The following NELL1 variants were observed in gnomAD, a reference collection of about 807,000 sequenced individuals.
NELL1 encodes the protein protein kinase C-binding protein NELL1.
In NELL1, 76 loss-of-function variants were observed where a neutral mutation model predicts 107.4. That is an observed-to-expected ratio of 0.71 (90% CI 0.59 to 0.86). The LOEUF is 0.86. NELL1 is among the 40% of genes least tolerant of loss of function. NELL1 has a pLI of 0.00. For synonymous variants in NELL1, 353 were observed against 341.2 expected, an observed-to-expected ratio of 1.03 and a Z score of -0.38; for missense variants, 1,024 against 1,005.5, an observed-to-expected ratio of 1.02 and a Z score of -0.25.
chr11:21,507,578 G>A (rs1213071749), intron 15 of NELL1, among the ~76,000 whole-genome samples: 2 of 151,952 alleles, frequency 1.3e-5, no homozygotes, highest in South Asian at 4.1e-4. Context: ...CTTTTTTGAG[G>A]TACCTTAAAT....
intron 14 of NELL1, among the ~76,000 whole-genome samples, chr11:21,290,729 T>G (rs1310419868): frequency 6.6e-6 from 1 of 152,098 alleles, no homozygotes. Context: ...TTCAGCAAAC[T>G]CCAGCAGACC....
intron 14 of NELL1, among the ~76,000 whole-genome samples, chr11:21,288,309 G>C (rs1261011137): frequency 1.3e-5 from 2 of 152,192 alleles, no homozygotes; most frequent in Non-Finnish European, 2.9e-5. Context: ...CAGTAAAACA[G>C]TTGGTTGGCA....
intron 13 of NELL1, among the ~76,000 whole-genome samples, chr11:21,204,806 G>A (rs1420633556): frequency 3.9e-5 from 6 of 152,132 alleles, no homozygotes; most frequent in East Asian, 3.9e-4. Flanking sequence ...TCTGAGCGAC[G>A]TCATTTTTGT....
chr11:20,670,378 G>C (rs1303397572), intron 1 of NELL1: 1 of 152,478 alleles, frequency 6.6e-6, no homozygotes, highest in Admixed American at 6.5e-5. Flanking sequence ...CCCAAGGGCT[G>C]GGCGAACAAT....
intron 15 of NELL1, among the ~76,000 whole-genome samples, chr11:21,463,897 C>G (rs1027429271): frequency 3.9e-5 from 6 of 152,054 alleles, no homozygotes; most frequent in African/African-American, 1.4e-4. Context: ...CTGGAATCCT[C>G]GGAAGACTTT....
At chr11:20,963,351 A>G (rs2134218440) in intron 12 of NELL1, among the ~76,000 whole-genome samples, 1 of 152,206 alleles carries the variant, frequency 6.6e-6, no homozygotes, top group Middle Eastern at 3.4e-3. Flanking sequence ...CACCACACAC[A>G]CACTTCTAGA....
chr11:20,871,580 G>A (rs1215714534), intron 4 of NELL1, among the ~76,000 whole-genome samples: 2 of 151,868 alleles, frequency 1.3e-5, no homozygotes, highest in Non-Finnish European at 1.5e-5. Flanking sequence ...ATAATGCTTT[G>A]CAAAATGGTG....
chr11:21,345,442 A>G (rs1850663128), intron 14 of NELL1, among the ~76,000 whole-genome samples: 1 of 152,204 alleles, frequency 6.6e-6, no homozygotes, highest in African/African-American at 2.4e-5. Context: ...TATCTTATTT[A>G]GACATCTCCA....
intron 3 of NELL1, among the ~76,000 whole-genome samples, chr11:20,815,904 A>G (rs1196723835): frequency 6.6e-6 from 1 of 152,106 alleles, no homozygotes; most frequent in Non-Finnish European, 1.5e-5. Context: ...CATTTATTGA[A>G]TGGGGAGCCC....
chr11:21,002,555 C>T (rs1852246363), intron 12 of NELL1, among the ~76,000 whole-genome samples: 1 of 152,160 alleles, frequency 6.6e-6, no homozygotes, highest in African/African-American at 2.4e-5. Context: ...TTAGGGACTT[C>T]CTCAGCCAGA....
intron 3 of NELL1, among the ~76,000 whole-genome samples, chr11:20,800,618 T>G (rs1857263329): frequency 6.6e-6 from 1 of 152,230 alleles, no homozygotes; most frequent in South Asian, 2.1e-4. Flanking sequence ...ATGCAGAGTT[T>G]GTGAATATTT....
chr11:21,363,870 A>G (rs1053951496), intron 14 of NELL1, among the ~76,000 whole-genome samples: 8 of 152,116 alleles, frequency 5.3e-5, no homozygotes, highest in African/African-American at 1.9e-4. Context: ...AAGCATATAC[A>G]CTGGCCAAAA....
In NELL1 at chr11:21,543,154, C is replaced by G. The variant is rs560831627; in HGVS notation, c.1786+8640C>G. ...CTCTATGCTAAACAATAAGACCCAC[C>G]CTACACATAAGATATTTTTTGGTTA... On this transcript the variant is annotated intron_variant, in intron 16 of 19. Transcript: ENST00000357134. 2.6e-5 allele frequency among the ~76,000 whole-genome samples: 4 copies of G among 152,044 alleles called. No individual in the cohort carries two copies. In the East Asian group the frequency reaches 7.8e-4, roughly 30 times the overall value.
intron 12 of NELL1, among the ~76,000 whole-genome samples, chr11:21,066,762 T>G (rs183498400): frequency 1.3e-3 from 194 of 152,066 alleles, no homozygotes; most frequent in African/African-American, 4.4e-3. Flanking sequence ...CCAGCCTGGC[T>G]CAGCAACATG....
chr11:21,012,649 G>C (rs1304498325), intron 12 of NELL1, among the ~76,000 whole-genome samples: 2 of 152,108 alleles, frequency 1.3e-5, no homozygotes, highest in African/African-American at 4.8e-5. Context: ...AAAATTTGGA[G>C]GCTAGAGTTT....
chr11:21,496,424 T>G (rs1408499055), intron 15 of NELL1, among the ~76,000 whole-genome samples: 2 of 150,520 alleles, frequency 1.3e-5, no homozygotes, highest in Non-Finnish European at 3.0e-5. Context: ...TTTTTTTTTT[T>G]TCTTGAGAGG....
intron 2 of NELL1, among the ~76,000 whole-genome samples, chr11:20,759,136 C>A (rs553902936): frequency 6.6e-6 from 1 of 152,224 alleles, no homozygotes; most frequent in Non-Finnish European, 1.5e-5. Context: ...CTCTGTCTTC[C>A]TCTACTTTCC....
At chr11:21,475,086 A>G (rs976728163) in intron 15 of NELL1, among the ~76,000 whole-genome samples, 2 of 152,184 alleles carry the variant, frequency 1.3e-5, no homozygotes, top group African/African-American at 4.8e-5. Flanking sequence ...TATATCCTGC[A>G]TATGCGAAAA....
intron 12 of NELL1, among the ~76,000 whole-genome samples, chr11:21,095,080 T>C (rs112365011): frequency 1.9e-4 from 29 of 152,364 alleles, no homozygotes; most frequent in African/African-American, 7.0e-4. Context: ...TCTTGAATGC[T>C]TTGCTGCTTA....
Sources: allele counts gnomAD v4.1 joint callset (sites outside exome capture counted in the v4.1 genomes callset), GRCh38; gene constraint gnomAD v4.1.1; transcripts MANE v1.5; gene names NCBI Gene and HGNC (gene_info 2026-07-23, HGNC 2026-07-21).